CCSER2: variants seen among roughly 807,000 people sequenced by gnomAD.
CCSER2 encodes the protein serine-rich coiled-coil domain-containing protein 2.
Under a neutral mutation model 92.3 loss-of-function variants are expected in CCSER2, and 46 were observed. The observed-to-expected ratio is 0.50, with a 90% CI of 0.39 to 0.64. The LOEUF (loss-of-function observed/expected upper bound fraction) is 0.64. CCSER2 is among the 30% of genes least tolerant of loss of function. The pLI, the probability that CCSER2 is intolerant of heterozygous loss-of-function variation, is 0.00. For synonymous variants in CCSER2, 433 were observed against 431.4 expected (o/e 1.00, Z -0.04); for missense variants, 1,244 against 1,238.9 (o/e 1.00, Z -0.06).
chr10:84,341,573 C>A (rs1844189138), intron 1 of CCSER2, among the ~76,000 whole-genome samples: 2 of 152,016 alleles, frequency 1.3e-5, no homozygotes, highest in African/African-American at 4.8e-5. Context: ...TGAAGAACAG[C>A]TGGTTGCCCT....
intron 1 of CCSER2, among the ~76,000 whole-genome samples, chr10:84,353,202 G>A (rs1844962022): frequency 6.6e-6 from 1 of 152,142 alleles, no homozygotes; most frequent in African/African-American, 2.4e-5. Flanking sequence ...TTTGTTTTCA[G>A]CAGGGACGGT....
chr10:84,463,655 T>C (rs559717139), intron 6 of CCSER2, among the ~76,000 whole-genome samples: 1 of 152,372 alleles, frequency 6.6e-6, no homozygotes, highest in South Asian at 2.1e-4. Context: ...TTTCTCATAA[T>C]GCTTAATGGT....
At chr10:84,443,840 C>T (rs1416629363) in intron 6 of CCSER2, among the ~76,000 whole-genome samples, 1 of 152,036 alleles carries the variant, frequency 6.6e-6, no homozygotes, top group Non-Finnish European at 1.5e-5. Flanking sequence ...ATGTCCTTTG[C>T]AGGGACATAG....
At chr10:84,509,327 A>T (rs1457227057) in intron 9 of CCSER2, among the ~76,000 whole-genome samples, 2 of 152,228 alleles carry the variant, frequency 1.3e-5, no homozygotes, top group Non-Finnish European at 2.9e-5. Context: ...TATCTAGCAA[A>T]TGTATATTTA....
At chr10:84,495,625 C>T (rs1253480162) in intron 9 of CCSER2, among the ~76,000 whole-genome samples, 3 of 152,086 alleles carry the variant, frequency 2.0e-5, no homozygotes, top group African/African-American at 7.2e-5. Flanking sequence ...AGCTACTATA[C>T]GTTTCTGCAG....
chr10:84,346,529 C>A (rs1589403876), intron 1 of CCSER2, among the ~76,000 whole-genome samples: 1 of 152,008 alleles, frequency 6.6e-6, no homozygotes, highest in African/African-American at 2.4e-5. Flanking sequence ...CCCAGCTAAA[C>A]CATGGGCATA....
chr10:84,510,452 A>C (rs1266962933), intron 9 of CCSER2, among the ~76,000 whole-genome samples: 1 of 152,302 alleles, frequency 6.6e-6, no homozygotes, highest in Non-Finnish European at 1.5e-5. Flanking sequence ...CACAGGAACA[A>C]AGTTATGTTC....
intron 6 of CCSER2, among the ~76,000 whole-genome samples, chr10:84,443,469 C>T (rs1184916628): frequency 3.3e-5 from 5 of 152,030 alleles, no homozygotes; most frequent in African/African-American, 9.7e-5. Context: ...GTTAAAATGG[C>T]GATCATTAAA....
At chr10:84,385,218 T>C (rs1371072368) in intron 3 of CCSER2, among the ~76,000 whole-genome samples, 1 of 152,080 alleles carries the variant, frequency 6.6e-6, no homozygotes, top group African/African-American at 2.4e-5. Context: ...TCCCATCATA[T>C]TACCAACATC....
intron 4 of CCSER2, 23 bp downstream of exon 4, chr10:84,417,884 C>G: frequency 8.2e-7 from 1 of 1,216,750 alleles, no homozygotes; most frequent in Non-Finnish European, 1.2e-6. Flanking sequence ...AATATTGAAC[C>G]TTCAGAGGTA....
intron 9 of CCSER2, among the ~76,000 whole-genome samples, chr10:84,484,359 C>T (rs942617712): frequency 7.9e-5 from 12 of 151,658 alleles, no homozygotes; most frequent in African/African-American, 2.4e-4. Flanking sequence ...GTGATCTGTC[C>T]GCCTCGGCCT....
At chr10:84,442,497 G>A (rs966202055) in intron 6 of CCSER2, among the ~76,000 whole-genome samples, 8 of 152,302 alleles carry the variant, frequency 5.3e-5, no homozygotes, top group East Asian at 3.9e-4. Context: ...ATCTACATCT[G>A]TATATTTCTC....
At chr10:84,369,676 A>AT (rs1845964653) in intron 1 of CCSER2, among the ~76,000 whole-genome samples, 1 of 151,186 alleles carries the variant, frequency 6.6e-6, no homozygotes. Flanking sequence ...GGTCTCATTT[A>AT]TTTTTTTGTT....
At chr10:84,344,515 A>G (rs1844375416) in intron 1 of CCSER2, among the ~76,000 whole-genome samples, 1 of 152,124 alleles carries the variant, frequency 6.6e-6, no homozygotes, top group African/African-American at 2.4e-5. Flanking sequence ...ACCTTGGAAA[A>G]TCTATTTGAG....
At chr10:84,457,259 AATATATTATATATAATATATT>A (rs1845704684) in intron 6 of CCSER2, among the ~76,000 whole-genome samples, 5 of 55,086 alleles carry the variant, frequency 9.1e-5, no homozygotes, top group Admixed American at 3.6e-4. Flanking sequence ...TATTATATAA[AATATATTATATATAATATATT>A]ATATATTATA....
Position 84,517,347 on chromosome 10 carries a change from T to C in CCSER2, c.*3080T>C, listed in dbSNP as rs1005611083. The stretch of plus-strand genomic sequence containing the variant: ...AAGGCATTAAAGGATTATAGAGTTA[T>C]GTCATTTAGACTGTTTCTAATAACT... On this transcript the variant is annotated 3_prime_UTR_variant, in exon 10 of 10. Coordinates refer to ENST00000372088, the MANE Select transcript of CCSER2 (RefSeq NM_001284240.2). The C allele has an allele frequency of 3.3e-5, 5 of 152,806 alleles. No individual in the cohort carries two copies. The highest frequency in any genetic ancestry group is 6.5e-5 in the Admixed American group (1 of 15,302). The allele number at this position is 152,806 out of a possible 1,614,324, so 9.5% of individuals were successfully genotyped here.
intron 8 of CCSER2, 71 bp downstream of exon 8, chr10:84,470,529 C>G: frequency 8.0e-7 from 1 of 1,245,088 alleles, no homozygotes; most frequent in Middle Eastern, 2.1e-4. Flanking sequence ...AAACTCTGAG[C>G]CAGAAGTAGA....
intron 6 of CCSER2, chr10:84,454,901 C>T (rs1437128114): frequency 6.6e-6 from 1 of 152,520 alleles, no homozygotes; most frequent in African/African-American, 2.4e-5. Context: ...ATTGTAGCTC[C>T]CATAATCCCT....
chr10:84,517,010 A>G lies in CCSER2; in HGVS notation c.*2743A>G, dbSNP rs1849619729. 2.6e-5 allele frequency: 4 copies of G among 152,226 alleles called. No individual in the cohort carries two copies. In the South Asian group the frequency reaches 8.3e-4, roughly 32 times the overall value. The allele number at this position is 152,226 out of a possible 1,614,324, so 9.4% of individuals were successfully genotyped here. A position where few individuals can be genotyped will look rare whatever the true frequency, so the allele number is the denominator to read the frequency against. ...AGTGAGGATGTAACTCTACTGAATAATCAAAGATCATCTTAGATTTGGCTT... is the reference window on the plus strand; with the variant it reads ...AGTGAGGATGTAACTCTACTGAATAGTCAAAGATCATCTTAGATTTGGCTT... On this transcript the variant is annotated 3_prime_UTR_variant, in exon 10 of 10. Transcript: ENST00000372088.
Sources: gnomAD v4.1 joint callset for allele counts (sites outside exome capture counted in the v4.1 genomes callset) on GRCh38, gnomAD v4.1.1 for gene constraint, MANE v1.5 for transcripts, NCBI Gene and HGNC (gene_info 2026-07-23, HGNC 2026-07-21) for gene names.